Variants in STPG2 observed in about 807,000 individuals in gnomAD.
The protein encoded by STPG2 is sperm-tail PG-rich repeat-containing protein 2.
STPG2 carries 56 observed loss-of-function variants against 54.2 expected under a neutral mutation model. The ratio of observed to expected loss-of-function variants is 1.03; its 90% CI spans 0.83 to 1.29. The LOEUF is 1.29. Among genes scored for constraint, STPG2 ranks in the 50% most tolerant of loss-of-function variants. The pLI, the probability that STPG2 is intolerant of heterozygous loss-of-function variation, is 0.00. For synonymous variants in STPG2, 200 were observed against 181.8 expected (o/e 1.10, Z -0.81); for missense variants, 596 against 544.9 (o/e 1.09, Z -0.93).
intron 9 of STPG2, among the ~76,000 whole-genome samples, chr4:97,772,856 G>A (rs769027331): frequency 6.6e-6 from 1 of 152,120 alleles, no homozygotes; most frequent in Non-Finnish European, 1.5e-5. Flanking sequence ...AAATGTTAGA[G>A]AGACAGGTGG....
At chr4:97,947,136 T>C (rs1390336064) in intron 7 of STPG2, among the ~76,000 whole-genome samples, 1 of 152,156 alleles carries the variant, frequency 6.6e-6, no homozygotes, top group Non-Finnish European at 1.5e-5. Flanking sequence ...GGATATTTTA[T>C]CTTTTTTGCA....
At chr4:97,925,780 G>T (rs1732311048) in intron 8 of STPG2, among the ~76,000 whole-genome samples, 1 of 152,086 alleles carries the variant, frequency 6.6e-6, no homozygotes. Context: ...TGTGTCCCAG[G>T]CCCAGGGGAT....
intron 9 of STPG2, among the ~76,000 whole-genome samples, chr4:97,815,733 T>C (rs908619272): frequency 5.3e-5 from 8 of 152,160 alleles, no homozygotes; most frequent in Non-Finnish European, 7.4e-5. Context: ...TGCACTATGT[T>C]AGGCAGAAGT....
chr4:97,961,055 C>A (rs1359242645), intron 7 of STPG2, among the ~76,000 whole-genome samples: 20 of 150,830 alleles, frequency 1.3e-4, no homozygotes, highest in African/African-American at 4.9e-4. Flanking sequence ...TACTTACAGT[C>A]AACTGGTCTT....
intron 10 of STPG2, among the ~76,000 whole-genome samples, chr4:97,559,589 T>A (rs1213072251): frequency 1.3e-5 from 2 of 152,226 alleles, no homozygotes; most frequent in Non-Finnish European, 2.9e-5. Flanking sequence ...CAGCTTCAAT[T>A]AATTTCCAGG....
chr4:97,890,526 C>A (rs1332165692), intron 8 of STPG2, among the ~76,000 whole-genome samples: 1 of 151,280 alleles, frequency 6.6e-6, no homozygotes, highest in Admixed American at 6.6e-5. Flanking sequence ...AAAAGGCAAC[C>A]CACATTTAAT....
At chr4:97,920,173 G>T (rs572824992) in intron 8 of STPG2, among the ~76,000 whole-genome samples, 1 of 152,258 alleles carries the variant, frequency 6.6e-6, no homozygotes, top group African/African-American at 2.4e-5. Flanking sequence ...AACAGGCTTT[G>T]TATCAGACAT....
At chr4:97,907,440 G>A (rs1362880647) in intron 8 of STPG2, among the ~76,000 whole-genome samples, 2 of 152,140 alleles carry the variant, frequency 1.3e-5, no homozygotes, top group African/African-American at 4.8e-5. Flanking sequence ...TGGCCATACT[G>A]CCCAAGGTAA....
At chr4:97,814,178 T>C (rs879839135) in intron 9 of STPG2, among the ~76,000 whole-genome samples, 4 of 152,232 alleles carry the variant, frequency 2.6e-5, no homozygotes, top group Admixed American at 1.3e-4. Context: ...ATATATTTTA[T>C]TAATTTCACT....
intron 10 of STPG2, among the ~76,000 whole-genome samples, chr4:97,691,228 G>A (rs1194354353): frequency 6.6e-6 from 1 of 152,158 alleles, no homozygotes; most frequent in Non-Finnish European, 1.5e-5. Context: ...CTGTCCCATG[G>A]GACAGTAAGT....
At chr4:97,783,813 T>A (rs1726731339) in intron 9 of STPG2, among the ~76,000 whole-genome samples, 1 of 152,002 alleles carries the variant, frequency 6.6e-6, no homozygotes, top group African/African-American at 2.4e-5. Flanking sequence ...CTCAGTAAAC[T>A]ATCACAAGGA....
intron 8 of STPG2, among the ~76,000 whole-genome samples, chr4:97,910,232 C>T (rs545717242): frequency 1.3e-5 from 2 of 152,262 alleles, no homozygotes; most frequent in South Asian, 2.1e-4. Context: ...GCCATGTCAT[C>T]GAACTCATCC....
chr4:97,941,554 T>C (rs1192208237), intron 8 of STPG2, among the ~76,000 whole-genome samples: 1 of 152,052 alleles, frequency 6.6e-6, no homozygotes, highest in Non-Finnish European at 1.5e-5. Context: ...CCTGGGATGT[T>C]GTAAAAGAAA....
intron 9 of STPG2, among the ~76,000 whole-genome samples, chr4:97,831,073 C>T (rs1245815712): frequency 1.3e-5 from 2 of 152,144 alleles, no homozygotes; most frequent in African/African-American, 4.8e-5. Flanking sequence ...AATATACATT[C>T]TTCTCAGCAC....
At chr4:97,981,833 T>TTA (rs3047345) in intron 5 of STPG2, among the ~76,000 whole-genome samples, 7,146 of 143,218 alleles carry the variant, frequency 0.05, 175 homozygotes, top group Non-Finnish European at 0.058. Flanking sequence ...TATAAAATGT[T>TTA]TATATATATA....
intron 5 of STPG2, among the ~76,000 whole-genome samples, chr4:98,060,734 CA>C (rs1737624918): frequency 6.6e-6 from 1 of 152,040 alleles, no homozygotes. Flanking sequence ...ACCAATGGAA[CA>C]GAATAGAGAG....
At chr4:98,090,980 T>TACAC (rs1042368231) in intron 5 of STPG2, among the ~76,000 whole-genome samples, 1 of 56,252 alleles carries the variant, frequency 1.8e-5, no homozygotes, top group Non-Finnish European at 4.1e-5. Context: ...CACAAATACA[T>TACAC]ACACACACAC....
chr4:97,443,051 TA>T (rs1156274999), intron 4 of STPG2, among the ~76,000 whole-genome samples: 1 of 152,114 alleles, frequency 6.6e-6, no homozygotes, highest in African/African-American at 2.4e-5. Context: ...ATGCAACAAA[TA>T]AAATCTATAG....
At chr4:98,000,785 G>A (rs1161292352) in intron 5 of STPG2, among the ~76,000 whole-genome samples, 1 of 152,076 alleles carries the variant, frequency 6.6e-6, no homozygotes, top group African/African-American at 2.4e-5. Flanking sequence ...AGCACTTAGG[G>A]TATATGCCAT....
Sources: gnomAD v4.1 joint callset for allele counts (sites outside exome capture counted in the v4.1 genomes callset) on GRCh38, gnomAD v4.1.1 for gene constraint, MANE v1.5 for transcripts, NCBI Gene and HGNC (gene_info 2026-07-23, HGNC 2026-07-21) for gene names.